Variants in RDX observed in about 807,000 individuals in gnomAD.
The protein encoded by RDX is deafness, autosomal recessive 24.
Under a neutral mutation model 83.7 loss-of-function variants are expected in RDX, and 32 were observed. The ratio of observed to expected loss-of-function variants is 0.38; its 90% CI spans 0.29 to 0.51. The LOEUF is 0.51. Among genes scored for constraint, RDX ranks in the 20% least tolerant of loss-of-function variants. The pLI is 0.87. For missense variants in RDX, 600 were observed against 689.9 expected, an observed-to-expected ratio of 0.87 and a Z score of 1.46; for synonymous variants, 229 against 222.7, an observed-to-expected ratio of 1.03 and a Z score of -0.25.
At chr11:110,289,979 A>AAAAAAAAAC (rs1555049799) in intron 1 of RDX, among the ~76,000 whole-genome samples, 5 of 144,712 alleles carry the variant, frequency 3.5e-5, no homozygotes, top group African/African-American at 1.4e-4. Flanking sequence ...AAAAAAAAAA[A>AAAAAAAAAC]AAACAAGGGT....
At chr11:110,218,596 C>A (rs1302106891) in intron 14 of RDX, among the ~76,000 whole-genome samples, 4 of 152,190 alleles carry the variant, frequency 2.6e-5, no homozygotes, top group Non-Finnish European at 5.9e-5. Context: ...CAAACCTGCC[C>A]TCCCTCATGA....
chr11:110,274,946 A>C (rs563104332), intron 2 of RDX, among the ~76,000 whole-genome samples: 5 of 152,318 alleles, frequency 3.3e-5, no homozygotes, highest in African/African-American at 1.2e-4. Context: ...TGAGTAATGA[A>C]GTGTGCACAC....
intron 14 of RDX, among the ~76,000 whole-genome samples, chr11:110,217,057 T>C (rs948461467): frequency 1.3e-5 from 2 of 152,284 alleles, no homozygotes; most frequent in Admixed American, 6.5e-5. Flanking sequence ...CCCAGTGCAC[T>C]CTTTTCATCT....
intron 14 of RDX, among the ~76,000 whole-genome samples, chr11:110,217,876 A>G (rs1479448212): frequency 6.6e-6 from 1 of 150,416 alleles, no homozygotes; most frequent in African/African-American, 2.5e-5. Context: ...TCTCATTGTC[A>G]TAATTATTTA....
At chr11:110,179,907 T>C (rs191613836) in intron 15 of RDX, 4,945 of 403,008 alleles carry the variant, frequency 0.012, 31 homozygotes, top group Middle Eastern at 0.051. Context: ...TTTTTTCTTT[T>C]TTTTTTTTTT....
At chr11:110,263,467 A>G (rs917314370) in intron 5 of RDX, 1 of 153,314 alleles carries the variant, frequency 6.5e-6, no homozygotes, top group Non-Finnish European at 1.4e-5. Flanking sequence ...AGATAGATCA[A>G]CCTTAGGTAA....
chr11:110,263,360 A>C (rs1859878387), intron 5 of RDX: 1 of 152,218 alleles, frequency 6.6e-6, no homozygotes, highest in Admixed American at 6.5e-5. Context: ...TGCCTGTGTT[A>C]GAATTTGTAC....
intron 9 of RDX, among the ~76,000 whole-genome samples, chr11:110,251,782 A>C (rs1002123270): frequency 6.6e-6 from 1 of 152,190 alleles, no homozygotes; most frequent in Non-Finnish European, 1.5e-5. Flanking sequence ...TGGAATAACC[A>C]CTCATAGTGT....
At chr11:110,250,433 T>C (rs2134346523) in intron 9 of RDX, among the ~76,000 whole-genome samples, 1 of 152,208 alleles carries the variant, frequency 6.6e-6, no homozygotes, top group East Asian at 1.9e-4. Flanking sequence ...CCTCCCTCCC[T>C]CCTTTCCCAA....
At chr11:110,287,393 G>A (rs1468313830) in intron 1 of RDX, among the ~76,000 whole-genome samples, 2 of 152,116 alleles carry the variant, frequency 1.3e-5, no homozygotes, top group Non-Finnish European at 2.9e-5. Flanking sequence ...CTCTGGTACT[G>A]TACTGCTAAT....
intron 10 of RDX, among the ~76,000 whole-genome samples, chr11:110,245,719 A>G (rs953712234): frequency 6.6e-6 from 1 of 152,172 alleles, no homozygotes; most frequent in South Asian, 2.1e-4. Context: ...TATTTAATAT[A>G]TTGCTTTGTC....
rs376917034 is a variant in RDX, at chr11:110,258,186, T to C, written c.471A>G (p.Val157=). The change falls in exon 6 of 14, where the codon GTA becomes GTG. Residue 157 remains valine (V), a synonymous_variant. Transcript: ENST00000645495. Reference sequence around the variant, plus strand: ...CTTTTGTTAGTTTGTGTTGTTCCAATACACTAAGAGGACCAAAAAAAAAAA... The same window carrying C: ...CTTTTGTTAGTTTGTGTTGTTCCAACACACTAAGAGGACCAAAAAAAAAAA... The part of the protein sequence containing the change: ...LANDRLLPQR[V]LEQHKLTKEQ... 314 of 1,581,950 alleles carry C rather than the reference T, an allele frequency of 2.0e-4. No homozygotes were observed. The highest frequency in any genetic ancestry group is 2.4e-4 in the Non-Finnish European group (284 of 1,160,584).
chr11:110,217,412 GTACACAGCGCCTGTC>G (rs1864093950), intron 14 of RDX, among the ~76,000 whole-genome samples: 4 of 152,170 alleles, frequency 2.6e-5, no homozygotes, highest in Admixed American at 6.5e-5. Flanking sequence ...TGAATGACTA[GTACACAGCGCCTGTC>G]AAGCGCTAAC....
intron 14 of RDX, among the ~76,000 whole-genome samples, chr11:110,222,450 G>A (rs567164932): frequency 2.2e-4 from 34 of 152,210 alleles, no homozygotes; most frequent in Non-Finnish European, 3.1e-4. Context: ...TGTCTGGTAC[G>A]AACATTTTAC....
chr11:110,285,712 C>CA (rs35030078), intron 1 of RDX, among the ~76,000 whole-genome samples: 41,155 of 78,854 alleles, frequency 0.52, 10,524 homozygotes, highest in Middle Eastern at 0.6. Context: ...GACTTTGTCT[C>CA]AAAAAAAAAA....
intron 9 of RDX, 94 bp from the exon 10 acceptor site, chr11:110,247,927 A>C (rs1859177979): frequency 1.4e-6 from 2 of 1,424,416 alleles, no homozygotes; most frequent in South Asian, 2.6e-5. Context: ...TAACAAAATA[A>C]TGTCTTTTGC....
intron 10 of RDX, among the ~76,000 whole-genome samples, chr11:110,240,329 TA>T (rs1865034202): frequency 6.6e-5 from 10 of 152,124 alleles, no homozygotes; most frequent in Admixed American, 5.2e-4. Flanking sequence ...ATGTCAGAGC[TA>T]AATCTCATAA....
chr11:110,278,095 T>C (rs1860590593), intron 2 of RDX, among the ~76,000 whole-genome samples: 1 of 152,212 alleles, frequency 6.6e-6, no homozygotes, highest in African/African-American at 2.4e-5. Context: ...AAAAATCTAA[T>C]GAATACATAT....
chr11:110,215,049 A>AAAT (rs1355797892), intron 14 of RDX, among the ~76,000 whole-genome samples: 11 of 97,232 alleles, frequency 1.1e-4, no homozygotes, highest in South Asian at 3.3e-4. Context: ...AAAAAAAAAA[A>AAAT]ATATATATAT....
Sources: gnomAD v4.1 joint callset for allele counts (sites outside exome capture counted in the v4.1 genomes callset) on GRCh38, gnomAD v4.1.1 for gene constraint, MANE v1.5 for transcripts, NCBI Gene and HGNC (gene_info 2026-07-23, HGNC 2026-07-21) for gene names.